EPS15: variants seen among roughly 807,000 people sequenced by gnomAD.
The protein encoded by EPS15 is epidermal growth factor receptor pathway substrate 15, also known as epidermal growth factor receptor substrate 15.
EPS15 carries 72 observed loss-of-function variants against 113.8 expected under a neutral mutation model. That is an observed-to-expected ratio of 0.63 (90% CI 0.52 to 0.77). EPS15 has a LOEUF of 0.77. EPS15 is among the 30% of genes least tolerant of loss of function. The probability of loss-of-function intolerance (pLI) is 0.00; values close to 1 mark genes in which losing one functional copy is unlikely to be tolerated. For synonymous variants in EPS15, 344 were observed against 363.4 expected, an observed-to-expected ratio of 0.95 and a Z score of 0.61; for missense variants, 1,048 against 1,045.8, an observed-to-expected ratio of 1.00 and a Z score of -0.03.
intron 22 of EPS15, among the ~76,000 whole-genome samples, chr1:51,365,387 A>G (rs1015464882): frequency 1.3e-5 from 2 of 152,228 alleles, no homozygotes; most frequent in African/African-American, 4.8e-5. Context: ...GTCTCTAGAC[A>G]TTGCCAAATG....
chr1:51,424,701 C>T (rs548673513), intron 12 of EPS15, among the ~76,000 whole-genome samples: 1 of 152,004 alleles, frequency 6.6e-6, no homozygotes, highest in South Asian at 2.1e-4. Context: ...GTGAGGAGTT[C>T]GAGACCAGCC....
At chr1:51,375,656 T>C (rs6664504) in intron 21 of EPS15, among the ~76,000 whole-genome samples, 3,337 of 152,282 alleles carry the variant, frequency 0.022, 33 homozygotes, top group Middle Eastern at 0.034. Flanking sequence ...TTTTTCCCCA[T>C]ATAAAGTTTA....
At chr1:51,449,687 A>G (rs1653376277) in intron 8 of EPS15, among the ~76,000 whole-genome samples, 1 of 151,768 alleles carries the variant, frequency 6.6e-6, no homozygotes, top group African/African-American at 2.4e-5. Context: ...CACGGAAGAC[A>G]GAGTTATTAC....
chr1:51,503,006 C>CAAAAAAAAAAAAA (rs56340331), intron 1 of EPS15, among the ~76,000 whole-genome samples: 1,467 of 67,074 alleles, frequency 0.022, 16 homozygotes, highest in Middle Eastern at 0.029. Flanking sequence ...GACTCTGTCT[C>CAAAAAAAAAAAAA]AAAAAAAAAA....
intron 1 of EPS15, among the ~76,000 whole-genome samples, chr1:51,487,223 GAC>G (rs1644140526): frequency 6.6e-6 from 1 of 152,040 alleles, no homozygotes; most frequent in Non-Finnish European, 1.5e-5. Context: ...AAGTATCAGT[GAC>G]ACAGTATTAG....
intron 1 of EPS15, among the ~76,000 whole-genome samples, chr1:51,517,462 G>A (rs1281431161): frequency 6.6e-6 from 1 of 152,206 alleles, no homozygotes; most frequent in Non-Finnish European, 1.5e-5. Context: ...TACCCAGGGA[G>A]AGAATAAAGT....
rs553966555 is a variant in EPS15, at chr1:51,494,649, T to C, written c.34-13335A>G. The stretch of plus-strand genomic sequence containing the variant: ...AAACTAGATGGCTCAGAACAGAAAC[T>C]TACTGTCTCACAATCTGGAAGCCAG... On this transcript the variant is annotated intron_variant, in intron 1 of 24. Coordinates refer to ENST00000371733, the MANE Select transcript of EPS15 (RefSeq NM_001981.3). Among the ~76,000 whole-genome samples, 18 of 152,296 alleles carry C rather than the reference T, an allele frequency of 1.2e-4. No homozygotes were observed. In the South Asian group the frequency reaches 3.7e-3, roughly 32 times the overall value.
chr1:51,399,388 T>C (rs1213106108), intron 19 of EPS15, among the ~76,000 whole-genome samples: 1 of 151,706 alleles, frequency 6.6e-6, no homozygotes, highest in Non-Finnish European at 1.5e-5. Context: ...TCCTCTCTAC[T>C]AAAAAACACA....
intron 8 of EPS15, 88 bp downstream of exon 8, chr1:51,461,003 T>C (rs1654396018): frequency 2.3e-6 from 2 of 873,128 alleles, no homozygotes; most frequent in Non-Finnish European, 3.8e-6. Flanking sequence ...AGAATATAGT[T>C]TTCCTCTAAG....
chr1:51,373,086 C>G (rs1431744250), intron 21 of EPS15: 1 of 182,648 alleles, frequency 5.5e-6, no homozygotes, highest in Admixed American at 6.0e-5. Flanking sequence ...TCATCAACAA[C>G]AAGATTGCCA....
intron 16 of EPS15, among the ~76,000 whole-genome samples, chr1:51,404,802 T>C (rs767731688): frequency 6.6e-6 from 1 of 152,224 alleles, no homozygotes; most frequent in Non-Finnish European, 1.5e-5. Context: ...TTTTAAAATA[T>C]ACATATCTGG....
At position 51,400,859 on chromosome 1, in the gene EPS15, A is replaced by C. The variant is rs1648475616; in HGVS notation, c.1918+59T>G. Reference sequence around the variant, plus strand: ...CTTCAGTTTCAGACCTAAATAACATAAGCTTATTATTAAGCAGAAATGAAT... The same window carrying C: ...CTTCAGTTTCAGACCTAAATAACATCAGCTTATTATTAAGCAGAAATGAAT... On this transcript the variant is annotated intron_variant, in intron 19 of 24. Transcript: ENST00000371733. The C allele has an allele frequency of 3.4e-6, 4 of 1,161,716 alleles. No individual in the cohort carries two copies. The African/African-American group carries it at 6.3e-5, about 18-fold the overall frequency. The allele number at this position is 1,161,716 out of a possible 1,614,324, so 72.0% of individuals were successfully genotyped here.
At chr1:51,424,897 T>G (rs1357167158) in intron 12 of EPS15, among the ~76,000 whole-genome samples, 1 of 151,818 alleles carries the variant, frequency 6.6e-6, no homozygotes, top group Admixed American at 6.6e-5. Flanking sequence ...AGTCAGACTC[T>G]GTCTCAAAAA....
intron 7 of EPS15, 181 bp downstream of exon 7, chr1:51,463,492 A>G (rs1006265502): frequency 4.3e-6 from 2 of 463,604 alleles, no homozygotes; most frequent in Admixed American, 3.7e-5. Context: ...GGGAATAACC[A>G]AATACAGAAA....
At chr1:51,518,635 G>A (rs1284327528) in intron 1 of EPS15, among the ~76,000 whole-genome samples, 1 of 152,214 alleles carries the variant, frequency 6.6e-6, no homozygotes, top group African/African-American at 2.4e-5. Context: ...TAAACTCTGG[G>A]AAGGGAGGGC....
chr1:51,406,201 T>C, intron 15 of EPS15, 93 bp from the exon 16 acceptor site: 1 of 1,040,488 alleles, frequency 9.6e-7, no homozygotes, highest in Non-Finnish European at 1.4e-6. Flanking sequence ...ACGGGCTAGG[T>C]GTGGTAGCTC....
intron 21 of EPS15, 128 bp downstream of exon 21, chr1:51,394,253 C>A: frequency 1.9e-6 from 1 of 533,196 alleles, no homozygotes; most frequent in Non-Finnish European, 3.4e-6. Context: ...TGGTAAATTA[C>A]TATTGGATAT....
intron 21 of EPS15, chr1:51,372,986 C>A: frequency 8.4e-6 from 3 of 355,744 alleles, no homozygotes; most frequent in South Asian, 3.2e-5. Context: ...CTGCAGCAGT[C>A]TGTCAAGGCC....
At chr1:51,399,788 G>A (rs1199577939) in intron 19 of EPS15, among the ~76,000 whole-genome samples, 1 of 152,078 alleles carries the variant, frequency 6.6e-6, no homozygotes, top group Non-Finnish European at 1.5e-5. Flanking sequence ...CTTGAGCATG[G>A]GAGGCGGAGG....
Sources: gnomAD v4.1 joint callset for allele counts (sites outside exome capture counted in the v4.1 genomes callset) on GRCh38, gnomAD v4.1.1 for gene constraint, MANE v1.5 for transcripts, NCBI Gene and HGNC (gene_info 2026-07-23, HGNC 2026-07-21) for gene names.